Variants in NRXN3 observed in about 807,000 individuals in gnomAD.
NRXN3 encodes the protein neurexin 3.
Under a neutral mutation model 137.6 loss-of-function variants are expected in NRXN3, and 32 were observed. The ratio of observed to expected loss-of-function variants is 0.23; its 90% CI spans 0.18 to 0.31. The LOEUF is 0.31. Among genes scored for constraint, NRXN3 ranks in the 10% least tolerant of loss-of-function variants. NRXN3 has a pLI of 1.00. For missense variants in NRXN3, 1,574 were observed against 2,062.5 expected, an observed-to-expected ratio of 0.76 and a Z score of 4.59; for synonymous variants, 798 against 784.5, an observed-to-expected ratio of 1.02 and a Z score of -0.29.
At chr14:78,813,096 A>G (rs1567387863) in intron 10 of NRXN3, among the ~76,000 whole-genome samples, 1 of 152,204 alleles carries the variant, frequency 6.6e-6, no homozygotes, top group Admixed American at 6.5e-5. Flanking sequence ...CCAAGTTGAT[A>G]TATTATGCAG....
chr14:78,979,307 T>G (rs2099482106), intron 14 of NRXN3, among the ~76,000 whole-genome samples: 1 of 152,176 alleles, frequency 6.6e-6, no homozygotes, highest in Admixed American at 6.5e-5. Context: ...AACTCTTTAA[T>G]TTTTATATTT....
chr14:78,570,294 A>G (rs2096877653), intron 4 of NRXN3, among the ~76,000 whole-genome samples: 2 of 152,090 alleles, frequency 1.3e-5, no homozygotes, highest in East Asian at 3.9e-4. Flanking sequence ...AGTCTGCAGT[A>G]CAGAAGAGGG....
chr14:79,668,998 T>C (rs2098589546), intron 17 of NRXN3: 1 of 152,094 alleles, frequency 6.6e-6, no homozygotes, highest in Non-Finnish European at 1.5e-5. Flanking sequence ...TCTATGTACT[T>C]GACATGATGC....
chr14:79,793,308 G>C (rs890156466), intron 19 of NRXN3, among the ~76,000 whole-genome samples: 3 of 152,040 alleles, frequency 2.0e-5, no homozygotes, highest in Non-Finnish European at 4.4e-5. Flanking sequence ...CCAGCTATTC[G>C]GGAGCCTGAG....
At chr14:78,282,467 G>T in intron 3 of NRXN3, 1 of 235,894 alleles carries the variant, frequency 4.2e-6, no homozygotes, top group Non-Finnish European at 8.7e-6. Context: ...CTCAGGCTCT[G>T]CCTGCTGATT....
chr14:79,090,783 A>G (rs368488324), intron 15 of NRXN3, among the ~76,000 whole-genome samples: 1 of 152,204 alleles, frequency 6.6e-6, no homozygotes, highest in African/African-American at 2.4e-5. Flanking sequence ...TGCAGATCAC[A>G]TAATTAAGTC....
intron 15 of NRXN3, among the ~76,000 whole-genome samples, chr14:79,049,674 A>G (rs1445387533): frequency 6.6e-6 from 1 of 152,174 alleles, no homozygotes. Context: ...TATTAGCTAT[A>G]GCCTTACAAA....
At position 79,145,107 on chromosome 14, in the gene NRXN3, C is replaced by G. The variant is rs531453138; in HGVS notation, c.3262+156966C>G. 2.0e-5 allele frequency among the ~76,000 whole-genome samples: 3 copies of G among 152,164 alleles called. No homozygotes were observed. The East Asian group carries it at 5.8e-4, about 30-fold the overall frequency. The stretch of plus-strand genomic sequence containing the variant: ...TAAATGGAAAGCCCTGTCTGCTCAT[C>G]AAGGGGCGCGATTTTAGAGTTTTCC... On this transcript the variant is annotated intron_variant, in intron 15 of 20. Transcript: ENST00000335750.
chr14:79,684,302 G>T (rs945259713), intron 17 of NRXN3, among the ~76,000 whole-genome samples: 1 of 151,918 alleles, frequency 6.6e-6, no homozygotes, highest in South Asian at 2.1e-4. Context: ...CTAGAAACTG[G>T]CTTGAGTTTT....
At chr14:78,624,082 A>G (rs768455094) in intron 4 of NRXN3, among the ~76,000 whole-genome samples, 8 of 152,196 alleles carry the variant, frequency 5.3e-5, no homozygotes, top group Non-Finnish European at 1.0e-4. Context: ...AGGATTTTCT[A>G]TGGACTATGA....
At chr14:78,905,025 G>A (rs1431478366) in intron 10 of NRXN3, among the ~76,000 whole-genome samples, 1 of 151,872 alleles carries the variant, frequency 6.6e-6, no homozygotes, top group Non-Finnish European at 1.5e-5. Flanking sequence ...TAACTCTTTG[G>A]CCATGTATCC....
At chr14:78,750,846 T>A (rs948686028) in intron 8 of NRXN3, among the ~76,000 whole-genome samples, 1 of 152,142 alleles carries the variant, frequency 6.6e-6, no homozygotes, top group African/African-American at 2.4e-5. Flanking sequence ...GCTCAGGAGG[T>A]AACTAGCATT....
chr14:79,441,740 TG>T (rs1403013666), intron 15 of NRXN3, among the ~76,000 whole-genome samples: 1 of 151,842 alleles, frequency 6.6e-6, no homozygotes, highest in Non-Finnish European at 1.5e-5. Context: ...AGTGTGAATA[TG>T]AAGAAAAGCA....
intron 19 of NRXN3, among the ~76,000 whole-genome samples, chr14:79,712,182 T>C (rs1355658703): frequency 6.6e-6 from 1 of 152,252 alleles, no homozygotes; most frequent in East Asian, 1.9e-4. Flanking sequence ...AACCCTTTTA[T>C]ATCCTTTTCA....
chr14:78,622,361 G>A (rs560630950), intron 4 of NRXN3, among the ~76,000 whole-genome samples: 1 of 152,318 alleles, frequency 6.6e-6, no homozygotes, highest in East Asian at 1.9e-4. Context: ...TCTGTTCTGT[G>A]ATGGTTTATG....
At chr14:78,815,164 A>G (rs2098928076) in intron 10 of NRXN3, among the ~76,000 whole-genome samples, 1 of 152,148 alleles carries the variant, frequency 6.6e-6, no homozygotes, top group African/African-American at 2.4e-5. Flanking sequence ...AAGACCCACT[A>G]ATTTCTCTGT....
At chr14:79,430,066 G>A (rs1261994620) in intron 15 of NRXN3, among the ~76,000 whole-genome samples, 1 of 151,932 alleles carries the variant, frequency 6.6e-6, no homozygotes, top group African/African-American at 2.4e-5. Context: ...GGATTTAATA[G>A]GTCTATCAGT....
At chr14:79,146,910 C>T (rs1371127683) in intron 15 of NRXN3, among the ~76,000 whole-genome samples, 1 of 152,112 alleles carries the variant, frequency 6.6e-6, no homozygotes, top group African/African-American at 2.4e-5. Flanking sequence ...CCAGTGAACA[C>T]CAGCAACTGC....
intron 17 of NRXN3, among the ~76,000 whole-genome samples, chr14:79,688,497 T>G (rs983710152): frequency 2.0e-5 from 3 of 152,146 alleles, no homozygotes; most frequent in Non-Finnish European, 2.9e-5. Flanking sequence ...TATTTTTCAG[T>G]TTTTTCACTT....
Sources: allele counts gnomAD v4.1 joint callset (sites outside exome capture counted in the v4.1 genomes callset), GRCh38; gene constraint gnomAD v4.1.1; transcripts MANE v1.5; gene names NCBI Gene and HGNC (gene_info 2026-07-23, HGNC 2026-07-21).